RBP7: variants seen among roughly 807,000 people sequenced by gnomAD.
RBP7 encodes retinoid-binding protein 7.
Under a neutral mutation model 16.7 loss-of-function variants are expected in RBP7, and 13 were observed. The ratio of observed to expected loss-of-function variants is 0.78; its 90% CI spans 0.51 to 1.24. The LOEUF is 1.24. Ranked by LOEUF, RBP7 falls within the 50% of genes most tolerant of loss-of-function variation. The probability of loss-of-function intolerance (pLI) is 0.00; values close to 1 mark genes in which losing one functional copy is unlikely to be tolerated. For missense variants in RBP7, 145 were observed against 159.5 expected (o/e 0.91, Z 0.49); for synonymous variants, 54 against 56.2 (o/e 0.96, Z 0.17).
At chr1:9,998,282 C>G (rs1197781208) in intron 1 of RBP7, among the ~76,000 whole-genome samples, 1 of 151,372 alleles carries the variant, frequency 6.6e-6, no homozygotes, top group Non-Finnish European at 1.5e-5. Flanking sequence ...GTGAGCCACG[C>G]GCCCTGCCAC....
Position 9,997,343 on chromosome 1 carries a change from G to A in RBP7, c.73+12G>A. ...CATGCTGGCCCTAGGTAAGGCGGAGGGGAGGCGGCGGCGGCGCGAGGCTCG... is the reference window on the plus strand; with the variant it reads ...CATGCTGGCCCTAGGTAAGGCGGAGAGGAGGCGGCGGCGGCGCGAGGCTCG... On this transcript the variant is annotated intron_variant, in intron 1 of 3. Transcript: ENST00000294435. The surrounding 1 kb of genome is among the most constrained non-coding windows in gnomAD (Gnocchi z 5.9). 1 of 1,609,390 alleles carries A rather than the reference G, an allele frequency of 6.2e-7. No homozygotes were observed. The highest frequency in any genetic ancestry group is 1.3e-5 in the African/African-American group (1 of 74,530).
At position 10,015,852 on chromosome 1, in the gene RBP7, C is replaced by T. The variant is rs768235966; in HGVS notation, c.*20C>T. 2 of 1,611,454 alleles carry T rather than the reference C, an allele frequency of 1.2e-6. No individual in the cohort carries two copies. The highest frequency in any genetic ancestry group is 1.3e-5 in the African/African-American group (1 of 75,006). ...GCCTGATCCACATCCAGCAGCAGAG[C>T]CCACTTGTGGCTGCAGCTTTATGCC... On this transcript the variant is annotated 3_prime_UTR_variant, in exon 4 of 4. Transcript: ENST00000294435.
At chr1:10,010,091 G>C (rs2101737993) in intron 3 of RBP7, among the ~76,000 whole-genome samples, 1 of 152,152 alleles carries the variant, frequency 6.6e-6, no homozygotes, top group South Asian at 2.1e-4. Flanking sequence ...GCCATGTGCT[G>C]ACAACTATTA....
At chr1:10,011,489 G>C (rs1187758215) in intron 3 of RBP7, among the ~76,000 whole-genome samples, 1 of 152,176 alleles carries the variant, frequency 6.6e-6, no homozygotes, top group Non-Finnish European at 1.5e-5. Context: ...ATTCCTTTAA[G>C]ACTCAAAATA....
chr1:9,997,377 C>A lies in RBP7; in HGVS notation c.73+46C>A. 1 of 1,586,992 alleles carries A rather than the reference C, an allele frequency of 6.3e-7. No homozygotes were observed. The highest frequency in any genetic ancestry group is 8.6e-7 in the Non-Finnish European group (1 of 1,159,872). On this transcript the variant is annotated intron_variant, in intron 1 of 3. Coordinates refer to ENST00000294435, the MANE Select transcript of RBP7 (RefSeq NM_052960.3). This position sits in a 1 kb window ranked among gnomAD's most constrained non-coding sequence, Gnocchi z 5.9. The stretch of plus-strand genomic sequence containing the variant: ...CGGCGGCGCGAGGCTCGCCGTGGGT[C>A]TCGGGATCAGGCGAAGGCGGCCGGG...
At chr1:10,013,989 A>G (rs1642702717) in intron 3 of RBP7, among the ~76,000 whole-genome samples, 1 of 151,968 alleles carries the variant, frequency 6.6e-6, no homozygotes, top group Non-Finnish European at 1.5e-5. Context: ...ATAAAAAAGG[A>G]GTAAGGCCTT....
At chr1:10,012,939 CAAAAAAAAA>C (rs760583223) in intron 3 of RBP7, among the ~76,000 whole-genome samples, 1 of 71,368 alleles carries the variant, frequency 1.4e-5, no homozygotes, top group Non-Finnish European at 3.1e-5. Flanking sequence ...GAAACTGTCT[CAAAAAAAAA>C]AAAAAAAAAA....
At chr1:10,011,927 C>T (rs1292939864) in intron 3 of RBP7, among the ~76,000 whole-genome samples, 3 of 151,524 alleles carry the variant, frequency 2.0e-5, no homozygotes, top group Non-Finnish European at 2.9e-5. Flanking sequence ...CGGAGCCGGG[C>T]GCAGTGGCTC....
chr1:10,001,013 C>G (rs182994184), intron 1 of RBP7, among the ~76,000 whole-genome samples: 9 of 152,128 alleles, frequency 5.9e-5, no homozygotes, highest in Admixed American at 5.9e-4. Flanking sequence ...GGATTACAGG[C>G]GTGAGCTACC....
At chr1:9,998,913 G>T (rs945182948) in intron 1 of RBP7, among the ~76,000 whole-genome samples, 10 of 152,082 alleles carry the variant, frequency 6.6e-5, no homozygotes, top group Non-Finnish European at 1.5e-4. Flanking sequence ...GGTCTGAGGG[G>T]GACCTTCCTG....
In RBP7 at chr1:9,997,583, C is replaced by T. The variant is rs1357599576; in HGVS notation, c.73+252C>T. On this transcript the variant is annotated intron_variant, in intron 1 of 3. Transcript: ENST00000294435. This position sits in a 1 kb window ranked among gnomAD's most constrained non-coding sequence, Gnocchi z 5.9. ...CGCCCCCCTGTCCCCACGGCCGTCT[C>T]TCCACGCCCTCTGTTCCCCCGGCCG... Among the ~76,000 whole-genome samples the T allele has an allele frequency of 2.0e-5, 3 of 150,970 alleles. No individual in the cohort carries two copies. The highest frequency in any genetic ancestry group is 6.6e-5 in the Admixed American group (1 of 15,162).
At chr1:10,007,464 C>A in intron 1 of RBP7, 106 bp from the exon 2 acceptor site, 1 of 837,862 alleles carries the variant, frequency 1.2e-6, no homozygotes, top group Non-Finnish European at 1.8e-6. Flanking sequence ...AGAAGTCGTA[C>A]AGGAAATGCT....
rs781397989 is a variant in RBP7 at position 9,997,322 on chromosome 1, C to A, written c.64C>A (p.Leu22Met). Reference sequence around the variant, plus strand: ...CAGCGACAACTTCGAGGGCTACATGCTGGCCCTAGGTAAGGCGGAGGGGAG... The same window carrying A: ...CAGCGACAACTTCGAGGGCTACATGATGGCCCTAGGTAAGGCGGAGGGGAG... Reference protein sequence around the residue: ...LSSDNFEGYMLALGIDFATRK... With the variant: ...LSSDNFEGYMMALGIDFATRK... Residue 22 changes from leucine (L) to methionine (M), a missense_variant, in exon 1 of 4, where the codon CTG becomes ATG. Physicochemically the swap from Leu to Met is conservative, Grantham distance 15 (BLOSUM62 2). Coordinates refer to ENST00000294435, the MANE Select transcript of RBP7 (RefSeq NM_052960.3). This position sits in a 1 kb window ranked among gnomAD's most constrained non-coding sequence, Gnocchi z 5.9. 4.3e-6 allele frequency: 7 copies of A among 1,611,006 alleles called. No homozygotes were observed. The African/African-American group carries it at 6.7e-5, about 15-fold the overall frequency.
intron 1 of RBP7, among the ~76,000 whole-genome samples, chr1:9,998,293 G>T (rs995602404): frequency 6.6e-6 from 1 of 151,624 alleles, no homozygotes; most frequent in Non-Finnish European, 1.5e-5. Flanking sequence ...GCCCTGCCAC[G>T]AGTGTAGTTT....
At chr1:10,005,163 C>T (rs762597402) in intron 1 of RBP7, among the ~76,000 whole-genome samples, 7 of 152,134 alleles carry the variant, frequency 4.6e-5, no homozygotes, top group Admixed American at 2.0e-4. Flanking sequence ...GCTGAGACTA[C>T]AGGCATGTAC....
intron 1 of RBP7, among the ~76,000 whole-genome samples, chr1:10,006,516 A>G (rs1210980370): frequency 1.3e-5 from 2 of 151,926 alleles, no homozygotes; most frequent in Non-Finnish European, 2.9e-5. Flanking sequence ...TCTCAAAAAA[A>G]GAAAAAAATT....
intron 1 of RBP7, chr1:10,006,881 C>T (rs1009309628): frequency 4.7e-5 from 18 of 387,066 alleles, no homozygotes; most frequent in Admixed American, 1.5e-4. Context: ...ATACATAAGG[C>T]AGAAAAAGGC....
At chr1:10,006,762 T>TAGAGAGAG (rs558347217) in intron 1 of RBP7, among the ~76,000 whole-genome samples, 1 of 146,444 alleles carries the variant, frequency 6.8e-6, no homozygotes, top group African/African-American at 2.6e-5. Flanking sequence ...TATATATATA[T>TAGAGAGAG]ATAGAGAGAG....
chr1:10,012,574 T>C (rs1219381688), intron 3 of RBP7, among the ~76,000 whole-genome samples: 1 of 151,522 alleles, frequency 6.6e-6, no homozygotes, highest in East Asian at 1.9e-4. Flanking sequence ...GGAAGATTGC[T>C]TGAGCCCAGG....
Sources: gnomAD v4.1 joint callset for allele counts (sites outside exome capture counted in the v4.1 genomes callset) on GRCh38, gnomAD v4.1.1 for gene constraint, Gnocchi (gnomAD v3.1) non-coding constraint, MANE v1.5 for transcripts, NCBI Gene and HGNC (gene_info 2026-07-23, HGNC 2026-07-21) for gene names.